The following SPATA20 variants were observed in gnomAD, a reference collection of about 807,000 sequenced individuals.
SPATA20 encodes spermatogenesis-associated protein 20.
SPATA20 carries 74 observed loss-of-function variants against 98.9 expected under a neutral mutation model. The observed-to-expected ratio is 0.75, with a 90% confidence interval of 0.62 to 0.91. The LOEUF (loss-of-function observed/expected upper bound fraction) is 0.91, where lower values mean the gene tolerates loss of function less well. Among genes scored for constraint, SPATA20 ranks in the 40% least tolerant of loss-of-function variants. The pLI, the probability that SPATA20 is intolerant of heterozygous loss-of-function variation, is 0.00. For synonymous variants in SPATA20, 430 were observed against 440.5 expected, an observed-to-expected ratio of 0.98 and a Z score of 0.30; for missense variants, 1,016 against 1,069.8, an observed-to-expected ratio of 0.95 and a Z score of 0.70.
intron 16 of SPATA20, 70 bp downstream of exon 16, chr17:50,555,382 A>G (rs1567912839): frequency 3.1e-6 from 5 of 1,594,162 alleles, no homozygotes; most frequent in South Asian, 1.1e-5. Context: ...GCTCCTCAAC[A>G]TCTCCTTCCC....
At chr17:50,554,028 C>T (rs1338501517) in intron 14 of SPATA20, among the ~76,000 whole-genome samples, 1 of 152,178 alleles carries the variant, frequency 6.6e-6, no homozygotes, top group African/African-American at 2.4e-5. Flanking sequence ...TGGAGACCAA[C>T]AGTTGAGGCT....
intron 16 of SPATA20, 88 bp downstream of exon 16, chr17:50,555,400 T>C: frequency 1.3e-6 from 2 of 1,595,804 alleles, no homozygotes; most frequent in South Asian, 2.2e-5. Context: ...CCCCTCAGAA[T>C]GTTGGGAAGA....
chr17:50,548,038 G>A (rs775296434), intron 2 of SPATA20: 46 of 1,475,508 alleles, frequency 3.1e-5, no homozygotes, highest in South Asian at 9.6e-5. Flanking sequence ...CCTTCCCACC[G>A]CCAGGCCCAG....
chr17:50,555,387 C>T lies in SPATA20; in HGVS notation c.2238+75C>T, dbSNP rs866562441. 24 of 1,597,014 alleles carry T rather than the reference C, an allele frequency of 1.5e-5. No homozygotes were observed. The African/African-American group carries it at 3.0e-4, about 20-fold the overall frequency. On this transcript the variant is annotated intron_variant, in intron 16 of 16. Coordinates refer to ENST00000006658, the MANE Select transcript of SPATA20 (RefSeq NM_022827.4). ...CCCATCCTCAGCTCCTCAACATCTC[C>T]TTCCCCTCAGAATGTTGGGAAGAGG...
At chr17:50,547,649 A>G (rs941688820) in intron 1 of SPATA20, 71 bp from the exon 2 acceptor site, 12 of 778,762 alleles carry the variant, frequency 1.5e-5, no homozygotes, top group Admixed American at 1.5e-4. Context: ...TGCTGCATGG[A>G]CCTTTCGTTA....
chr17:50,551,451 T>G, intron 12 of SPATA20, 60 bp from the exon 13 acceptor site: 1 of 1,535,762 alleles, frequency 6.5e-7, no homozygotes. Context: ...GGTGATAGGG[T>G]GGACATGCCT....
chr17:50,547,185 C>T lies in SPATA20; in HGVS notation c.-24C>T. 2 of 1,416,060 alleles carry T rather than the reference C, an allele frequency of 1.4e-6. No homozygotes were observed. The highest frequency in any genetic ancestry group is 1.8e-6 in the Non-Finnish European group (2 of 1,093,372). 87.7% of individuals were successfully genotyped at this position (1,416,060 alleles called of 1,614,324 possible). A position where few individuals can be genotyped will look rare whatever the true frequency, so the allele number is the denominator to read the frequency against. ...TGACTTCCCTTCCTGTCCTCAGCGG[C>T]CGGGCCCACGGCCCCGAGCAGCCAT... On this transcript the variant is annotated 5_prime_UTR_variant, in exon 1 of 17. Transcript: ENST00000006658.
In SPATA20 at chr17:50,554,466, A is replaced by C. The variant is rs778120328; in HGVS notation, c.2157+16A>C. 1.2e-6 allele frequency: 2 copies of C among 1,607,140 alleles called. No individual in the cohort carries two copies. Among genetic ancestry groups the C allele is most frequent in the East Asian group, 2.2e-5 (1 of 44,866 alleles). ...CCTCAAGCAGGTGGGGGGTGAGGGC[A>C]TCTGGGCTGGGACCTCGGGTAGGAG... On this transcript the variant is annotated intron_variant, in intron 15 of 16. Transcript: ENST00000006658.
At chr17:50,555,392 C>T in intron 16 of SPATA20, 80 bp downstream of exon 16, 1 of 1,598,324 alleles carries the variant, frequency 6.3e-7, no homozygotes, top group East Asian at 2.2e-5. Flanking sequence ...ATCTCCTTCC[C>T]CTCAGAATGT....
rs781262447 is a variant in SPATA20 at position 50,551,199 on chromosome 17, G to A, written c.1576+9G>A. ...GCTGGCTGCCTGGAATGGTGGGGCAGCACACCTGAGACCGAGCCTGTCTGT... is the reference window on the plus strand; with the variant it reads ...GCTGGCTGCCTGGAATGGTGGGGCAACACACCTGAGACCGAGCCTGTCTGT... On this transcript the variant is annotated intron_variant, in intron 12 of 16. Transcript: ENST00000006658. The A allele has an allele frequency of 8.1e-6, 13 of 1,604,106 alleles. No homozygotes were observed. The highest frequency in any genetic ancestry group is 1.1e-5 in the Non-Finnish European group (13 of 1,175,338).
Position 50,551,690 on chromosome 17 carries a change from G to GT in SPATA20, c.1745+11_1745+12insT. 3 of 1,582,894 alleles carry GT rather than the reference G, an allele frequency of 1.9e-6. No individual in the cohort carries two copies. The highest frequency in any genetic ancestry group is 2.6e-6 in the Non-Finnish European group (3 of 1,156,272). On this transcript the variant is annotated intron_variant, in intron 13 of 16. Transcript: ENST00000006658. ...GACTGTGGAGCACAGGTTGGGGGCT[G>GT]GGTAGACCGGGAGGGCCCGTCTCCC...
At chr17:50,549,235 CAA>C (rs1361134419) in intron 6 of SPATA20, 49 bp downstream of exon 6, 4 of 1,597,456 alleles carry the variant, frequency 2.5e-6, no homozygotes, top group East Asian at 2.2e-5. Flanking sequence ...GACTAGGAAA[CAA>C]GAGCCCCTCC....
At chr17:50,551,352 G>A (rs1168619231) in intron 12 of SPATA20, 159 bp from the exon 13 acceptor site, 44 of 1,164,856 alleles carry the variant, frequency 3.8e-5, no homozygotes, top group Middle Eastern at 2.7e-4. Context: ...CCAAGGTCAC[G>A]CGCAAGGGCT....
At chr17:50,551,421 A>C in intron 12 of SPATA20, 90 bp from the exon 13 acceptor site, 1 of 1,421,684 alleles carries the variant, frequency 7.0e-7, no homozygotes, top group South Asian at 1.3e-5. Context: ...CCATGGCTCC[A>C]GGGAGGTGTT....
chr17:50,552,322 C>G, intron 14 of SPATA20, 142 bp downstream of exon 14: 2 of 676,716 alleles, frequency 3.0e-6, no homozygotes, highest in Non-Finnish European at 4.9e-6. Context: ...TGTAATATTT[C>G]TGTGTCTCAA....
At chr17:50,551,722 G>T (rs768326545) in intron 13 of SPATA20, 43 bp downstream of exon 13, 2 of 1,558,234 alleles carry the variant, frequency 1.3e-6, no homozygotes, top group South Asian at 1.2e-5. Flanking sequence ...TCCCCAACGC[G>T]TCCCCAGCCT....
intron 13 of SPATA20, 136 bp from the exon 14 acceptor site, chr17:50,551,833 G>C: frequency 8.4e-7 from 1 of 1,186,722 alleles, no homozygotes; most frequent in Non-Finnish European, 1.2e-6. Context: ...ACTCATCTGG[G>C]AAGTGGGCTG....
chr17:50,548,425 C>G lies in SPATA20; in HGVS notation c.268C>G (p.Leu90Val). 6.2e-7 allele frequency: 1 copy of G among 1,614,000 alleles called. No homozygotes were observed. Residue 90 changes from leucine to valine, a missense_variant, in exon 3 of 17, where the codon CTA (leucine) becomes GTA (valine). Transcript: ENST00000006658. ...GATCCACGAGAAGTCACCATACCTC[C>G]TACAACATGCCTACAATCCTGTGGA... ...RLIHEKSPYLLQHAYNPVDWY... is the reference protein window; with the variant it reads ...RLIHEKSPYLVQHAYNPVDWY...
Position 50,550,777 on chromosome 17 carries a change from G to C in SPATA20, c.1243G>C (p.Ala415Pro). 6.2e-7 allele frequency: 1 copy of C among 1,613,130 alleles called. No homozygotes were observed. Among genetic ancestry groups the C allele is most frequent in the Non-Finnish European group, 8.5e-7 (1 of 1,180,030 alleles). ...PERGQRPKEGAYYVWTVKEVQ... is the reference protein window; with the variant it reads ...PERGQRPKEGPYYVWTVKEVQ... ...GCGGGGCCAGCGGCCCAAAGAGGGCGCCTACTATGTGTGGACGGTCAAAGA... is the reference window on the plus strand; with the variant it reads ...GCGGGGCCAGCGGCCCAAAGAGGGCCCCTACTATGTGTGGACGGTCAAAGA... Residue 415 changes from alanine to proline, a missense_variant, in exon 11 of 17, where the codon GCC becomes CCC. Ala to Pro is a conservative substitution (Grantham distance 27). Coordinates refer to ENST00000006658, the MANE Select transcript of SPATA20 (RefSeq NM_022827.4).
Sources: gnomAD v4.1 joint callset for allele counts (sites outside exome capture counted in the v4.1 genomes callset) on GRCh38, gnomAD v4.1.1 for gene constraint, MANE v1.5 for transcripts, NCBI Gene and HGNC (gene_info 2026-07-23, HGNC 2026-07-21) for gene names.